Variants in NPLOC4 observed in about 807,000 individuals in gnomAD.
NPLOC4 encodes the protein nuclear protein localization protein 4 homolog.
A neutral mutation model predicts 80.6 loss-of-function variants in NPLOC4; 18 were observed. That is an observed-to-expected ratio of 0.22 (90% CI 0.15 to 0.33). NPLOC4 has a LOEUF of 0.33. NPLOC4 is among the 10% of genes least tolerant of loss of function. The probability of loss-of-function intolerance (pLI) is 1.00; values close to 1 mark genes in which losing one functional copy is unlikely to be tolerated. For synonymous variants in NPLOC4, 313 were observed against 301.5 expected, an observed-to-expected ratio of 1.04 and a Z score of -0.39; for missense variants, 540 against 786.1, an observed-to-expected ratio of 0.69 and a Z score of 3.74.
chr17:81,596,169 C>T lies in NPLOC4; in HGVS notation c.1067G>A (p.Arg356Gln), dbSNP rs373063460. The change falls in exon 11 of 17, where the codon CGG (arginine) becomes CAG (glutamine). Residue 356 changes from arginine (R) to glutamine (Q), a missense_variant. Arg to Gln is a conservative substitution (Grantham distance 43). Around this residue, in one of 6 missense-constraint regions of NPLOC4, gnomAD observed 251 missense variants for 377.5 expected, o/e 0.66. Transcript: ENST00000331134. ...DFQNKHPNMC[R>Q]LSPDGHFGSK... ...TCCAAAATGTCCGTCTGGAGAGAGC[C>T]GGCACATGTTGGGATGCTTGTTCTG... The T allele has an allele frequency of 9.3e-6, 15 of 1,613,846 alleles. No individual in the cohort carries two copies. The highest frequency in any genetic ancestry group is 1.6e-4 in the Middle Eastern group (1 of 6,084).
chr17:81,636,807 A>T, intron 1 of NPLOC4, 109 bp downstream of exon 1: 1 of 1,182,418 alleles, frequency 8.5e-7, no homozygotes, highest in Non-Finnish European at 1.1e-6. Context: ...GAGAGAAGAG[A>T]AAGGGGCCGA....
At position 81,567,413 on chromosome 17, in the gene NPLOC4, G is replaced by A. The variant is rs780311943; in HGVS notation, c.1566+4C>T. The A allele has an allele frequency of 2.7e-5, 43 of 1,581,204 alleles. No homozygotes were observed. Among genetic ancestry groups the A allele is most frequent in the Non-Finnish European group, 3.4e-5 (39 of 1,151,324 alleles). On this transcript the variant is annotated splice_donor_region_variant and intron_variant, in intron 15 of 16. Coordinates refer to ENST00000331134, the MANE Select transcript of NPLOC4 (RefSeq NM_017921.4). This position sits in a 1 kb window ranked among gnomAD's most constrained non-coding sequence, Gnocchi z 4.5. ...TCAAGTGGACACCACACTTGGACAC[G>A]CACCTGCAGAGGCATAACTTCATTG... is the stretch of plus-strand genomic sequence containing the variant.
intron 3 of NPLOC4, among the ~76,000 whole-genome samples, chr17:81,615,833 A>G (rs1280938576): frequency 2.0e-5 from 3 of 152,170 alleles, no homozygotes; most frequent in Non-Finnish European, 4.4e-5. Context: ...TCCAGTACAC[A>G]GCAAAAAAAA....
intron 4 of NPLOC4, chr17:81,613,081 A>G (rs910103419): frequency 2.3e-4 from 97 of 414,340 alleles, no homozygotes; most frequent in Non-Finnish European, 3.8e-4. Context: ...AAATGCTTCA[A>G]AATTTTTTAT....
intron 16 of NPLOC4, among the ~76,000 whole-genome samples, chr17:81,559,995 A>G (rs1294072484): frequency 6.6e-6 from 1 of 150,638 alleles, no homozygotes; most frequent in Admixed American, 6.6e-5. Flanking sequence ...TTGGCCTCCC[A>G]AAGTGCTGGG....
At chr17:81,626,520 A>T (rs1305148538) in intron 2 of NPLOC4, among the ~76,000 whole-genome samples, 1 of 152,160 alleles carries the variant, frequency 6.6e-6, no homozygotes, top group African/African-American at 2.4e-5. Context: ...GAGAAGACCA[A>T]GAAGACGGTG....
intron 3 of NPLOC4, among the ~76,000 whole-genome samples, chr17:81,618,454 C>T (rs1485720614): frequency 6.7e-5 from 10 of 148,838 alleles, no homozygotes; most frequent in Non-Finnish European, 3.0e-5. Flanking sequence ...GGAGCGTCTC[C>T]GCCTGGCAGC....
At chr17:81,562,279 C>G (rs2033874410) in intron 16 of NPLOC4, 1 of 152,010 alleles carries the variant, frequency 6.6e-6, no homozygotes, top group East Asian at 1.9e-4. Context: ...TGGCTCACAC[C>G]TATAATCCCA....
chr17:81,594,777 GA>G (rs35677141), intron 11 of NPLOC4, among the ~76,000 whole-genome samples: 24 of 146,458 alleles, frequency 1.6e-4, no homozygotes, highest in African/African-American at 2.2e-4. Flanking sequence ...CGTCTCTAGG[GA>G]AAAAAAAAAA....
chr17:81,595,986 G>A (rs1291547798), intron 11 of NPLOC4, 130 bp downstream of exon 11: 10 of 876,646 alleles, frequency 1.1e-5, no homozygotes, highest in Non-Finnish European at 1.5e-5. Flanking sequence ...AAGAAAGGAG[G>A]AATTTATATC....
At chr17:81,608,601 C>A in intron 6 of NPLOC4, 127 bp downstream of exon 6, 1 of 648,946 alleles carries the variant, frequency 1.5e-6, no homozygotes, top group Non-Finnish European at 2.7e-6. Context: ...ACCACGGTAA[C>A]TTTCAAAGGC....
In NPLOC4 at chr17:81,589,117, G is replaced by T; in HGVS notation, c.1121-13C>A. The T allele has an allele frequency of 6.2e-7, 1 of 1,608,596 alleles. No homozygotes were observed. The highest frequency in any genetic ancestry group is 1.1e-5 in the South Asian group (1 of 90,502). On this transcript the variant is annotated splice_polypyrimidine_tract_variant and intron_variant, in intron 11 of 16. Transcript: ENST00000331134. ...TTGTCAGGACCACCTGCAAGAGAGA[G>T]ACCTTTAAAAAGAGTCTACCAAACG...
rs1198250213 is a variant in NPLOC4, at chr17:81,577,974, C to A, written c.1282-5886G>T. ...GATGGGTCTTCTACAGCGGGGACCT[C>A]CCCTGCCCACCCCATCCGGCTGTCA... On this transcript the variant is annotated intron_variant, in intron 12 of 16. Transcript: ENST00000331134. The surrounding 1 kb of genome is among the most constrained non-coding windows in gnomAD (Gnocchi z 4.3). Among the ~76,000 whole-genome samples, 2 of 152,196 alleles carry A rather than the reference C, an allele frequency of 1.3e-5. No individual in the cohort carries two copies. The highest frequency in any genetic ancestry group is 2.9e-5 in the Non-Finnish European group (2 of 68,022).
At position 81,565,606 on chromosome 17, in the gene NPLOC4, T is replaced by A; in HGVS notation, c.1568A>T (p.Asp523Val). ...LVTNEVMPLQDSISLLLEAVR... is the reference protein window; with the variant it reads ...LVTNEVMPLQVSISLLLEAVR... ...GGCCTCCAGCAGCAAGCTGATGCTG[T>A]CCTACAAGAAGCCAAAAGGAAGGTT... Residue 523 changes from aspartate (D) to valine (V), a missense_variant and splice_region_variant, in exon 16 of 17, where the codon GAC becomes GTC. Physicochemically the swap from Asp to Val is radical, Grantham distance 152. Around this residue, in one of 6 missense-constraint regions of NPLOC4, gnomAD observed 251 missense variants for 377.5 expected, o/e 0.66. Coordinates refer to ENST00000331134, the MANE Select transcript of NPLOC4 (RefSeq NM_017921.4). The A allele has an allele frequency of 6.5e-7, 1 of 1,541,004 alleles. No individual in the cohort carries two copies. Among genetic ancestry groups the A allele is most frequent in the South Asian group, 1.2e-5 (1 of 82,586 alleles).
chr17:81,569,361 G>C (rs568708226), intron 13 of NPLOC4, among the ~76,000 whole-genome samples: 1 of 152,214 alleles, frequency 6.6e-6, no homozygotes, highest in African/African-American at 2.4e-5. Flanking sequence ...CACCGGCCTC[G>C]ACGTCGGACA....
intron 1 of NPLOC4, among the ~76,000 whole-genome samples, chr17:81,630,972 A>G (rs897796905): frequency 5.9e-5 from 9 of 152,176 alleles, no homozygotes; most frequent in African/African-American, 2.2e-4. Context: ...CAGGAGTTCG[A>G]GACCAGCCTG....
intron 7 of NPLOC4, among the ~76,000 whole-genome samples, chr17:81,605,959 G>A (rs1305834277): frequency 1.3e-5 from 2 of 151,598 alleles, no homozygotes; most frequent in Non-Finnish European, 2.9e-5. Flanking sequence ...CAACTGGGAC[G>A]ACAGGCGCCC....
intron 12 of NPLOC4, chr17:81,588,123 T>G (rs909762546): frequency 6.6e-6 from 1 of 152,244 alleles, no homozygotes; most frequent in Non-Finnish European, 1.5e-5. Flanking sequence ...TGAGACACTG[T>G]AGAAGTCCAG....
At chr17:81,594,884 G>C (rs983567564) in intron 11 of NPLOC4, among the ~76,000 whole-genome samples, 7 of 151,960 alleles carry the variant, frequency 4.6e-5, no homozygotes, top group Admixed American at 6.5e-5. Context: ...AGTCGCACCA[G>C]TGAGCTATGA....
Sources: gnomAD v4.1 joint callset for allele counts (sites outside exome capture counted in the v4.1 genomes callset) on GRCh38, gnomAD v4.1.1 for gene constraint, gnomAD v4.1.1 regional missense constraint, Gnocchi (gnomAD v3.1) non-coding constraint, MANE v1.5 for transcripts, NCBI Gene and HGNC (gene_info 2026-07-23, HGNC 2026-07-21) for gene names.